Variants in PLA2G1B observed in about 807,000 individuals in gnomAD.
PLA2G1B encodes phospholipase A2.
Under a neutral mutation model 12.5 loss-of-function variants are expected in PLA2G1B, and 12 were observed. That is an observed-to-expected ratio of 0.96 (90% CI 0.62 to 1.56). PLA2G1B has a LOEUF of 1.56. Among genes scored for constraint, PLA2G1B ranks in the 40% most tolerant of loss-of-function variants. The pLI is 0.00. For synonymous variants in PLA2G1B, 81 were observed against 73.4 expected (o/e 1.10, Z -0.53); for missense variants, 189 against 186.7 (o/e 1.01, Z -0.07).
At chr12:120,325,671 T>A (rs563466350) in intron 2 of PLA2G1B, among the ~76,000 whole-genome samples, 190 bp downstream of exon 2, 1 of 152,356 alleles carries the variant, frequency 6.6e-6, no homozygotes, top group Non-Finnish European at 1.5e-5. Flanking sequence ...TCGGTCATTG[T>A]TTCCATCTCT....
At chr12:120,327,584 C>T in intron 1 of PLA2G1B, 136 bp downstream of exon 1, 1 of 841,444 alleles carries the variant, frequency 1.2e-6, no homozygotes, top group East Asian at 2.4e-5. Flanking sequence ...GCCCTTAAGC[C>T]CCACTGGGAA....
At chr12:120,322,519 T>A (rs1344704042) in intron 3 of PLA2G1B, among the ~76,000 whole-genome samples, 2 of 152,192 alleles carry the variant, frequency 1.3e-5, no homozygotes, top group Non-Finnish European at 2.9e-5. Flanking sequence ...ATTTGGGACA[T>A]ATACCCCCCA....
chr12:120,325,420 G>A (rs1377149532), intron 2 of PLA2G1B, among the ~76,000 whole-genome samples: 4 of 151,942 alleles, frequency 2.6e-5, no homozygotes, highest in African/African-American at 9.7e-5. Flanking sequence ...GGCTGGTCTC[G>A]AACTCCTGAC....
chr12:120,327,071 G>A (rs9657930), intron 1 of PLA2G1B, among the ~76,000 whole-genome samples: 3,196 of 151,932 alleles, frequency 0.021, 54 homozygotes, highest in Non-Finnish European at 0.03. Flanking sequence ...TAAAAGGGAG[G>A]TCACCCAGCC....
chr12:120,323,066 A>G (rs1873268668), intron 3 of PLA2G1B, among the ~76,000 whole-genome samples: 1 of 152,206 alleles, frequency 6.6e-6, no homozygotes, highest in Admixed American at 6.6e-5. Context: ...GGGTAGTAGG[A>G]TTATAGATGC....
intron 3 of PLA2G1B, among the ~76,000 whole-genome samples, chr12:120,324,569 G>A (rs757462500): frequency 6.6e-6 from 1 of 152,158 alleles, no homozygotes; most frequent in Non-Finnish European, 1.5e-5. Flanking sequence ...TTGGGAGGCT[G>A]AGGTCAGCAG....
chr12:120,326,314 C>G (rs1174433700), intron 1 of PLA2G1B, among the ~76,000 whole-genome samples: 1 of 146,992 alleles, frequency 6.8e-6, no homozygotes, highest in Non-Finnish European at 1.5e-5. Context: ...GCTAGGATTA[C>G]AGGCATGTGC....
chr12:120,322,355 G>T (rs766536477), intron 3 of PLA2G1B, 38 bp from the exon 4 acceptor site: 2 of 1,599,684 alleles, frequency 1.3e-6, no homozygotes, highest in Non-Finnish European at 1.7e-6. Flanking sequence ...AGCCAAGGTG[G>T]ACCCTGTTTT....
At chr12:120,327,563 C>T (rs904116435) in intron 1 of PLA2G1B, among the ~76,000 whole-genome samples, 157 bp downstream of exon 1, 2 of 152,174 alleles carry the variant, frequency 1.3e-5, no homozygotes, top group African/African-American at 2.4e-5. Flanking sequence ...TGAGGGAACC[C>T]CAATAGAGGA....
At position 120,325,019 on chromosome 12, in the gene PLA2G1B, C is replaced by T; in HGVS notation, c.237G>A (p.Lys79=). 6.2e-7 allele frequency: 1 copy of T among 1,614,028 alleles called. No individual in the cohort carries two copies. Among genetic ancestry groups the T allele is most frequent in the Non-Finnish European group, 8.5e-7 (1 of 1,179,982 alleles). The change falls in exon 3 of 4, where the codon AAG becomes AAA. Residue 79 remains lysine, a synonymous_variant. Transcript: ENST00000308366. ...CCAGCAGAAATTTACAGCTGTCCAG[C>T]TTCTTGGCCTGGTCATAGCAGTTGT... ...THDNCYDQAK[K]LDSCKFLLDN...
At chr12:120,327,003 G>A (rs1004491360) in intron 1 of PLA2G1B, among the ~76,000 whole-genome samples, 6 of 151,832 alleles carry the variant, frequency 4.0e-5, no homozygotes, top group Admixed American at 3.9e-4. Flanking sequence ...AATGTGATAA[G>A]TAAGGAAACT....
chr12:120,326,565 A>G (rs1873352991), intron 1 of PLA2G1B, among the ~76,000 whole-genome samples: 1 of 142,626 alleles, frequency 7.0e-6, no homozygotes, highest in African/African-American at 2.7e-5. Flanking sequence ...CTAGAGATAC[A>G]GCAGTGAACA....
At chr12:120,322,545 C>T (rs1256081268) in intron 3 of PLA2G1B, among the ~76,000 whole-genome samples, 2 of 152,134 alleles carry the variant, frequency 1.3e-5, no homozygotes, top group South Asian at 2.1e-4. Context: ...TTATCCATTG[C>T]TTATCTGAAA....
intron 1 of PLA2G1B, among the ~76,000 whole-genome samples, chr12:120,326,982 G>A (rs545304848): frequency 2.0e-5 from 3 of 151,274 alleles, no homozygotes; most frequent in Admixed American, 2.0e-4. Flanking sequence ...ATAATAATAA[G>A]AATAATAATA....
intron 2 of PLA2G1B, 54 bp from the exon 3 acceptor site, chr12:120,325,115 G>A: frequency 6.3e-7 from 1 of 1,590,612 alleles, no homozygotes; most frequent in Non-Finnish European, 8.6e-7. Flanking sequence ...CAATAGGTCA[G>A]CCCTCACCTG....
intron 3 of PLA2G1B, 41 bp from the exon 4 acceptor site, chr12:120,322,358 C>A: frequency 6.3e-7 from 1 of 1,597,114 alleles, no homozygotes; most frequent in Non-Finnish European, 8.5e-7. Flanking sequence ...CAAGGTGGAC[C>A]CTGTTTTGTA....
intron 1 of PLA2G1B, 140 bp downstream of exon 1, chr12:120,327,580 A>T: frequency 1.2e-6 from 1 of 814,596 alleles, no homozygotes; most frequent in Non-Finnish European, 2.1e-6. Flanking sequence ...AGGAGCCCTT[A>T]AGCCCCACTG....
chr12:120,324,650 A>G (rs907804771), intron 3 of PLA2G1B, among the ~76,000 whole-genome samples: 7 of 152,162 alleles, frequency 4.6e-5, no homozygotes, highest in African/African-American at 7.2e-5. Flanking sequence ...CCTGGGTGAC[A>G]GAGCAAGACC....
At chr12:120,324,776 T>A (rs554469245) in intron 3 of PLA2G1B, among the ~76,000 whole-genome samples, 158 bp downstream of exon 3, 1 of 152,352 alleles carries the variant, frequency 6.6e-6, no homozygotes, top group South Asian at 2.1e-4. Context: ...TAAGTGAGGA[T>A]AATTGTACCT....
Sources: gnomAD v4.1 joint callset for allele counts (sites outside exome capture counted in the v4.1 genomes callset) on GRCh38, gnomAD v4.1.1 for gene constraint, MANE v1.5 for transcripts, NCBI Gene and HGNC (gene_info 2026-07-23, HGNC 2026-07-21) for gene names.